Variants in SRSF11 observed in about 807,000 individuals in gnomAD.
SRSF11 encodes the protein serine/arginine-rich splicing factor 11.
Under a neutral mutation model 56.0 loss-of-function variants are expected in SRSF11, and 9 were observed. That is an observed-to-expected ratio of 0.16 (90% confidence interval 0.10 to 0.28). The LOEUF is 0.28. Among genes scored for constraint, SRSF11 ranks in the 10% least tolerant of loss-of-function variants. The pLI, the probability that SRSF11 is intolerant of heterozygous loss-of-function variation, is 1.00. For synonymous variants in SRSF11, 222 were observed against 215.3 expected, an observed-to-expected ratio of 1.03 and a Z score of -0.27; for missense variants, 421 against 600.7, an observed-to-expected ratio of 0.70 and a Z score of 3.13.
At chr1:70,227,306 A>C (rs1396162539) in intron 1 of SRSF11, among the ~76,000 whole-genome samples, 5 of 152,202 alleles carry the variant, frequency 3.3e-5, no homozygotes, top group African/African-American at 9.6e-5. Context: ...TAGTATTAAA[A>C]TACAGGATTT....
chr1:70,228,592 A>T (rs1007862674), intron 2 of SRSF11, 37 bp downstream of exon 2: 1 of 1,597,112 alleles, frequency 6.3e-7, no homozygotes, highest in Non-Finnish European at 8.5e-7. Flanking sequence ...TGGGCATCCT[A>T]AGATGACCAT....
chr1:70,226,960 C>T (rs1671915902), intron 1 of SRSF11, among the ~76,000 whole-genome samples: 1 of 152,138 alleles, frequency 6.6e-6, no homozygotes, highest in Admixed American at 6.5e-5. Context: ...CAACAGTAAG[C>T]CTGTATAACA....
upstream of SRSF11, among the ~76,000 whole-genome samples, chr1:70,217,966 TTTTG>T (rs1308226518): frequency 1.3e-5 from 2 of 150,312 alleles, no homozygotes; most frequent in African/African-American, 2.4e-5. Context: ...GGTGGGTTTT[TTTTG>T]TTTGTTTTTT....
chr1:70,221,646 A>T lies in SRSF11; in HGVS notation c.10A>T (p.Thr4Ser), dbSNP rs777093036. 1 of 1,610,986 alleles carries T rather than the reference A, an allele frequency of 6.2e-7. No homozygotes were observed. The highest frequency in any genetic ancestry group is 8.5e-7 in the Non-Finnish European group (1 of 1,178,494). The change falls in exon 1 of 12, where the codon ACT (threonine) becomes TCT (serine). Residue 4 changes from threonine to serine, a missense_variant. This residue lies in a region of SRSF11 where 168 missense variants were observed against 294.9 expected (regional missense o/e 0.57). Coordinates refer to ENST00000370949, the MANE Select transcript of SRSF11 (RefSeq NM_001350605.2). ...GAACCCGAGCAGCGCCATGAGCAAC[A>T]CTACCGTCGTCCCCAGCACTGCAGG... MSN[T>S]TVVPSTAGPG...
intron 5 of SRSF11, among the ~76,000 whole-genome samples, chr1:70,236,666 G>A (rs1029691679): frequency 6.6e-6 from 1 of 151,780 alleles, no homozygotes; most frequent in Non-Finnish European, 1.5e-5. Flanking sequence ...CCTGTAAGGG[G>A]CATCTTTAGC....
chr1:70,230,409 A>G, intron 2 of SRSF11: 1 of 1,143,676 alleles, frequency 8.7e-7, no homozygotes, highest in Non-Finnish European at 1.1e-6. Context: ...AGTCTACGGT[A>G]AGGAATAGTC....
upstream of SRSF11, among the ~76,000 whole-genome samples, chr1:70,220,432 A>G (rs2100573253): frequency 6.6e-6 from 1 of 152,378 alleles, no homozygotes; most frequent in East Asian, 1.9e-4. Context: ...CAAAAGCTTC[A>G]AAATTATTTT....
intron 1 of SRSF11, among the ~76,000 whole-genome samples, chr1:70,206,310 T>TTG: frequency 6.6e-6 from 1 of 152,222 alleles, no homozygotes; most frequent in South Asian, 2.1e-4. Flanking sequence ...TTAGAAACTG[T>TTG]TAACTTTAGG....
At chr1:70,234,891 A>G (rs1000043531) in intron 4 of SRSF11, 103 bp downstream of exon 4, 10 of 931,160 alleles carry the variant, frequency 1.1e-5, no homozygotes, top group Non-Finnish European at 1.6e-5. Flanking sequence ...GCTATGTTGT[A>G]GTAATTTTTT....
intron 2 of SRSF11, chr1:70,228,998 GAAA>G (rs3835560): frequency 1.2e-6 from 1 of 839,402 alleles, no homozygotes; most frequent in African/African-American, 1.9e-5. Context: ...TGATAATCTG[GAAA>G]AAAAAAAAAC....
intron 2 of SRSF11, 98 bp downstream of exon 2, chr1:70,228,653 A>G (rs1002360167): frequency 1.0e-5 from 14 of 1,404,742 alleles, no homozygotes; most frequent in Non-Finnish European, 1.3e-5. Context: ...AATCTAAGCT[A>G]TTAACATTTT....
intron 10 of SRSF11, 71 bp downstream of exon 10, chr1:70,250,118 A>G: frequency 7.0e-7 from 1 of 1,432,244 alleles, no homozygotes; most frequent in South Asian, 1.2e-5. Context: ...ACTGTCCTGT[A>G]GTTTTTCTTT....
intron 1 of SRSF11, among the ~76,000 whole-genome samples, chr1:70,209,305 T>C: frequency 6.6e-6 from 1 of 152,208 alleles, no homozygotes. Context: ...TTGGCAGATT[T>C]GCAAGCACAC....
chr1:70,250,919 T>C lies in SRSF11; in HGVS notation c.*114T>C, dbSNP rs1036074107. On this transcript the variant is annotated 3_prime_UTR_variant, in exon 12 of 12. Transcript: ENST00000370949. The stretch of plus-strand genomic sequence containing the variant: ...CCTAGATGTATACAGCTCTGAGTTA[T>C]AAATGGTTATAAAGCTCCTGTTACT... 4.6e-6 allele frequency: 4 copies of C among 870,106 alleles called. No homozygotes were observed. Among genetic ancestry groups the C allele is most frequent in the African/African-American group, 1.7e-5 (1 of 58,658 alleles). The allele number at this position is 870,106 out of a possible 1,614,324, so 53.9% of individuals were successfully genotyped here.
At chr1:70,214,545 C>T (rs1277472596) in intron 1 of SRSF11, among the ~76,000 whole-genome samples, 1 of 152,110 alleles carries the variant, frequency 6.6e-6, no homozygotes, top group African/African-American at 2.4e-5. Flanking sequence ...AGGGTGTTCA[C>T]AGACCCTGCT....
chr1:70,242,976 G>A (rs1313779779), intron 7 of SRSF11, among the ~76,000 whole-genome samples: 2 of 152,100 alleles, frequency 1.3e-5, no homozygotes, highest in Non-Finnish European at 2.9e-5. Flanking sequence ...AGATGTTATT[G>A]CAAGGAATTG....
intron 1 of SRSF11, 67 bp downstream of exon 1, chr1:70,221,906 T>C: frequency 1.3e-6 from 2 of 1,582,400 alleles, no homozygotes; most frequent in Non-Finnish European, 1.7e-6. Context: ...ACACACAATT[T>C]CCTTAGGCCC....
In SRSF11 at chr1:70,232,285, G is replaced by T; in HGVS notation, c.355G>T (p.Ala119Ser). Reference sequence around the variant, plus strand: ...CTCTGCAGGAGTTATTCCTGATGAAGCTAAAGCTTTGTCTCTGTTGGCACC... The same window carrying T: ...CTCTGCAGGAGTTATTCCTGATGAATCTAAAGCTTTGTCTCTGTTGGCACC... ...PYAEGVIPDE[A>S]KALSLLAPAN... The change falls in exon 3 of 12, where the codon GCT (alanine) becomes TCT (serine). Residue 119 changes from alanine (A) to serine (S), a missense_variant. Ala to Ser is a moderately conservative substitution (Grantham distance 99). Transcript: ENST00000370949. The T allele has an allele frequency of 6.2e-7, 1 of 1,614,188 alleles. No individual in the cohort carries two copies. The highest frequency in any genetic ancestry group is 1.3e-5 in the African/African-American group (1 of 75,046).
upstream of SRSF11, among the ~76,000 whole-genome samples, chr1:70,219,875 T>C (rs902910985): frequency 6.6e-6 from 1 of 152,232 alleles, no homozygotes; most frequent in African/African-American, 2.4e-5. Context: ...CTCTCACATA[T>C]TGCATCTTGA....
Sources: gnomAD v4.1 joint callset for allele counts (sites outside exome capture counted in the v4.1 genomes callset) on GRCh38, gnomAD v4.1.1 for gene constraint, gnomAD v4.1.1 regional missense constraint, MANE v1.5 for transcripts, NCBI Gene and HGNC (gene_info 2026-07-23, HGNC 2026-07-21) for gene names.